FNBP1L: variants seen among roughly 807,000 people sequenced by gnomAD.
FNBP1L encodes the protein formin binding protein 1 like, also known as formin-binding protein 1-like.
Under a neutral mutation model 91.2 loss-of-function variants are expected in FNBP1L, and 36 were observed. The observed-to-expected ratio is 0.39, with a 90% CI of 0.30 to 0.52. The LOEUF is 0.52. Ranked by LOEUF, FNBP1L falls within the 20% of genes least tolerant of loss-of-function variation. The probability of loss-of-function intolerance (pLI) is 0.66; values close to 1 mark genes in which losing one functional copy is unlikely to be tolerated. For missense variants in FNBP1L, 571 were observed against 732.1 expected (o/e 0.78, Z 2.54); for synonymous variants, 242 against 237.0 (o/e 1.02, Z -0.19).
At chr1:93,483,469 T>C (rs1287744758) in intron 1 of FNBP1L, among the ~76,000 whole-genome samples, 1 of 152,172 alleles carries the variant, frequency 6.6e-6, no homozygotes, top group African/African-American at 2.4e-5. Context: ...GTTCAGAGTA[T>C]TGCTGTTTTG....
intron 5 of FNBP1L, among the ~76,000 whole-genome samples, chr1:93,525,548 T>C (rs773401501): frequency 1.6e-4 from 24 of 152,088 alleles, no homozygotes; most frequent in Non-Finnish European, 2.6e-4. Flanking sequence ...ACCTAATGAG[T>C]GTGTGTGTGT....
intron 1 of FNBP1L, among the ~76,000 whole-genome samples, chr1:93,472,942 T>G (rs1228479525): frequency 1.3e-5 from 2 of 151,778 alleles, no homozygotes; most frequent in Middle Eastern, 3.4e-3. Flanking sequence ...AAGAAATTAC[T>G]CTTTAGCTTT....
chr1:93,511,733 G>A (rs1376136082), intron 2 of FNBP1L, among the ~76,000 whole-genome samples: 7 of 152,098 alleles, frequency 4.6e-5, no homozygotes, highest in African/African-American at 1.2e-4. Flanking sequence ...TTGGGAGGCC[G>A]AGGCGGGCGG....
intron 1 of FNBP1L, among the ~76,000 whole-genome samples, chr1:93,469,726 C>A (rs1557778344): frequency 6.6e-6 from 1 of 152,132 alleles, no homozygotes; most frequent in Non-Finnish European, 1.5e-5. Context: ...CAGGCAGGAA[C>A]TCAGGAGGCT....
At chr1:93,462,636 T>C (rs775004157) in intron 1 of FNBP1L, among the ~76,000 whole-genome samples, 1 of 152,186 alleles carries the variant, frequency 6.6e-6, no homozygotes, top group Non-Finnish European at 1.5e-5. Context: ...ACCCCTCTAT[T>C]GGAAAATGTC....
intron 1 of FNBP1L, among the ~76,000 whole-genome samples, chr1:93,494,717 G>A (rs560558371): frequency 4.6e-5 from 7 of 152,242 alleles, no homozygotes; most frequent in South Asian, 4.2e-4. Context: ...TAGTCTGTTC[G>A]CATACTGCTA....
intron 8 of FNBP1L, 45 bp downstream of exon 8, chr1:93,533,113 G>A (rs1168822066): frequency 2.5e-6 from 4 of 1,575,410 alleles, no homozygotes; most frequent in Non-Finnish European, 3.5e-6. Context: ...TTTGGTTTAG[G>A]TGTGCAGTTT....
At position 93,536,418 on chromosome 1, in the gene FNBP1L, C is replaced by T. The variant is rs373902306; in HGVS notation, c.1077C>T (p.Pro359=). ...GSQFLTFSIE[P]VHYCMNEIKT... ...AGTTTCTCACATTCTCCATTGAGCCCGTGCATTATTGTATGAATGAAATAA... is the reference window on the plus strand; with the variant it reads ...AGTTTCTCACATTCTCCATTGAGCCTGTGCATTATTGTATGAATGAAATAA... Residue 359 remains proline (P), a synonymous_variant, in exon 10 of 17, where the codon CCC becomes CCT. Transcript: ENST00000271234. 1.9e-4 allele frequency: 294 copies of T among 1,550,672 alleles called. No individual in the cohort carries two copies. Among genetic ancestry groups the T allele is most frequent in the Non-Finnish European group, 2.3e-4 (269 of 1,146,330 alleles).
chr1:93,461,688 A>C (rs1668871565), intron 1 of FNBP1L, among the ~76,000 whole-genome samples: 1 of 152,240 alleles, frequency 6.6e-6, no homozygotes, highest in Admixed American at 6.5e-5. Context: ...GAACAAAATT[A>C]GGATTCTGTT....
At chr1:93,451,162 A>G (rs1668480817) in intron 1 of FNBP1L, among the ~76,000 whole-genome samples, 1 of 152,222 alleles carries the variant, frequency 6.6e-6, no homozygotes, top group Non-Finnish European at 1.5e-5. Context: ...CATCTTAGGC[A>G]TTGCTTATTG....
At position 93,461,818 on chromosome 1, in the gene FNBP1L, A is replaced by G. The variant is rs887785651; in HGVS notation, c.24+13513A>G. Among the ~76,000 whole-genome samples the G allele has an allele frequency of 3.3e-5, 5 of 152,338 alleles. No individual in the cohort carries two copies. The East Asian group carries it at 5.8e-4, about 18-fold the overall frequency. On this transcript the variant is annotated intron_variant, in intron 1 of 16. Coordinates refer to ENST00000271234, the MANE Select transcript of FNBP1L (RefSeq NM_001164473.3). ...AATATGTGGATATTTGAATTATTAC[A>G]TGGGAGTTAAGAAAAGGATAATAAT...
In FNBP1L at chr1:93,499,362, C is replaced by T. The variant is rs906478743; in HGVS notation, c.25-106C>T. ...AGCTAGTAGAAGAGCCTGGGTTTTT[C>T]CTTTTATACCTCATTGCTTCTCTGT... On this transcript the variant is annotated intron_variant, in intron 1 of 16. Coordinates refer to ENST00000271234, the MANE Select transcript of FNBP1L (RefSeq NM_001164473.3). 16 of 727,224 alleles carry T rather than the reference C, an allele frequency of 2.2e-5. No individual in the cohort carries two copies. In the African/African-American group the frequency reaches 2.6e-4, roughly 12 times the overall value. 45.0% of individuals were successfully genotyped at this position (727,224 alleles called of 1,614,324 possible).
chr1:93,490,109 A>G (rs1670045600), intron 1 of FNBP1L, among the ~76,000 whole-genome samples: 1 of 152,220 alleles, frequency 6.6e-6, no homozygotes, highest in Non-Finnish European at 1.5e-5. Context: ...GTATCAAAGT[A>G]ATTGGGAAAA....
chr1:93,496,553 A>G (rs1008574166), intron 1 of FNBP1L, among the ~76,000 whole-genome samples: 4 of 152,162 alleles, frequency 2.6e-5, no homozygotes, highest in African/African-American at 7.2e-5. Flanking sequence ...AGCATGTGCT[A>G]ACATGCCTGG....
At chr1:93,476,165 T>C (rs1669487482) in intron 1 of FNBP1L, among the ~76,000 whole-genome samples, 1 of 152,218 alleles carries the variant, frequency 6.6e-6, no homozygotes, top group Non-Finnish European at 1.5e-5. Context: ...AACATTGCGA[T>C]AGTAATGTAC....
At chr1:93,531,526 C>T (rs1228474326) in intron 7 of FNBP1L, among the ~76,000 whole-genome samples, 6 of 152,166 alleles carry the variant, frequency 3.9e-5, no homozygotes, top group African/African-American at 1.2e-4. Context: ...ATTATCTCAA[C>T]GAGCAGAGCT....
chr1:93,545,793 A>C (rs1271247516), intron 12 of FNBP1L, among the ~76,000 whole-genome samples: 1 of 152,090 alleles, frequency 6.6e-6, no homozygotes, highest in Non-Finnish European at 1.5e-5. Context: ...TTCAAAGCCA[A>C]AGTAGGTTGT....
intron 1 of FNBP1L, among the ~76,000 whole-genome samples, chr1:93,451,939 C>G (rs1002340378): frequency 2.6e-5 from 4 of 152,132 alleles, no homozygotes; most frequent in African/African-American, 9.7e-5. Flanking sequence ...CGTGAGCCAC[C>G]GTGCCCGGTC....
At chr1:93,456,602 CAAA>C (rs60167572) in intron 1 of FNBP1L, among the ~76,000 whole-genome samples, 3 of 53,374 alleles carry the variant, frequency 5.6e-5, no homozygotes, top group Admixed American at 2.0e-4. Context: ...CCTTCTCTAC[CAAA>C]AAAAAAAAAA....
Sources: gnomAD v4.1 joint callset for allele counts (sites outside exome capture counted in the v4.1 genomes callset) on GRCh38, gnomAD v4.1.1 for gene constraint, MANE v1.5 for transcripts, NCBI Gene and HGNC (gene_info 2026-07-23, HGNC 2026-07-21) for gene names.